RPS24: variants seen among roughly 807,000 people sequenced by gnomAD.
RPS24 encodes ribosomal protein S24.
For missense variants in RPS24, 100 were observed against 162.5 expected, an observed-to-expected ratio of 0.62 and a Z score of 2.09; for synonymous variants, 72 against 55.6, an observed-to-expected ratio of 1.30 and a Z score of -1.31.
chr10:78,049,620 G>T (rs1164823918), intron 4 of RPS24, among the ~76,000 whole-genome samples: 3 of 152,224 alleles, frequency 2.0e-5, no homozygotes, highest in Non-Finnish European at 4.4e-5. Flanking sequence ...GCCCATCACA[G>T]TGGGGCTGGG....
chr10:78,038,764 C>T (rs943328695), intron 4 of RPS24: 2 of 152,048 alleles, frequency 1.3e-5, no homozygotes, highest in African/African-American at 2.4e-5. Flanking sequence ...CTCAGCCTCC[C>T]TTGTAGCTGC....
At chr10:78,055,263 G>C (rs1204374145) in exon 5 of RPS24, 1 of 414,164 alleles carries the variant, frequency 2.4e-6, no homozygotes, top group Non-Finnish European at 4.1e-6. Flanking sequence ...CACATTTAAG[G>C]CTTTCCTTCC....
intron 4 of RPS24, chr10:78,049,364 C>T (rs1272935895): frequency 6.6e-6 from 1 of 152,374 alleles, no homozygotes; most frequent in Non-Finnish European, 1.5e-5. Context: ...CACTGGTGCT[C>T]CTGAGCTGGC....
In RPS24 at chr10:78,040,004, A is replaced by T. The variant is rs1029036141; in HGVS notation, c.391-200A>T. ...AAGAACTACAGTAATCAGGCAAGGC[A>T]TTGTCAGAATTGGGAGGAATAAAAT... is the stretch of plus-strand genomic sequence containing the variant. On this transcript the variant is annotated intron_variant, in intron 4 of 5. Coordinates refer to ENST00000372360, the MANE Select transcript of RPS24 (RefSeq NM_033022.4). 2.2e-5 allele frequency: 15 copies of T among 668,510 alleles called. No individual in the cohort carries two copies. The Admixed American group carries it at 3.2e-4, about 14-fold the overall frequency. 41.4% of individuals were successfully genotyped at this position (668,510 alleles called of 1,614,324 possible). A position where few individuals can be genotyped will look rare whatever the true frequency, so the allele number is the denominator to read the frequency against.
intron 4 of RPS24, among the ~76,000 whole-genome samples, chr10:78,049,628 G>C (rs1162315997): frequency 6.6e-6 from 1 of 152,202 alleles, no homozygotes; most frequent in Non-Finnish European, 1.5e-5. Flanking sequence ...CAGTGGGGCT[G>C]GGACTGGGTG....
At chr10:78,040,846 T>A, downstream of RPS24, 1 of 638,126 alleles carries the variant, frequency 1.6e-6, no homozygotes, top group Non-Finnish European at 2.7e-6. Context: ...TGCTGCTTGG[T>A]TTATAGCTTA....
At chr10:78,054,535 G>C (rs1292407878) in exon 5 of RPS24, 1 of 1,536,142 alleles carries the variant, frequency 6.5e-7, no homozygotes, top group East Asian at 2.5e-5. Flanking sequence ...TTGCAGATGA[G>C]GGAATTGGGG....
intron 4 of RPS24, among the ~76,000 whole-genome samples, chr10:78,051,600 G>C (rs527521957): frequency 1.3e-5 from 2 of 152,302 alleles, no homozygotes; most frequent in South Asian, 4.1e-4. Flanking sequence ...TATATACCTC[G>C]GGGTGGAATT....
At chr10:78,040,910 G>C (rs1277197174), downstream of RPS24, among the ~76,000 whole-genome samples, 3 of 152,138 alleles carry the variant, frequency 2.0e-5, no homozygotes, top group African/African-American at 7.2e-5. Context: ...AACCATGTCC[G>C]CGGTGGACGC....
chr10:78,054,380 C>G (rs1848130055), intron 4 of RPS24: 5 of 723,104 alleles, frequency 6.9e-6, no homozygotes, highest in Admixed American at 5.9e-5. Flanking sequence ...TCCCAAGTGC[C>G]CTTCCTTCAA....
chr10:78,054,079 G>T (rs1320076274), intron 4 of RPS24, among the ~76,000 whole-genome samples: 3 of 152,106 alleles, frequency 2.0e-5, no homozygotes, highest in Non-Finnish European at 4.4e-5. Flanking sequence ...GGGTATGGGG[G>T]TGCCTAGGGT....
exon 5 of RPS24, chr10:78,055,062 A>G: frequency 6.9e-7 from 1 of 1,453,970 alleles, no homozygotes. Context: ...TCATCTCTCC[A>G]CCTTCTTCTC....
chr10:78,044,816 TAAAG>T (rs1304884612), downstream of RPS24, among the ~76,000 whole-genome samples: 2 of 150,512 alleles, frequency 1.3e-5, no homozygotes, highest in Non-Finnish European at 3.0e-5. Flanking sequence ...GTGTTTTGGT[TAAAG>T]AAAATAAAAC....
intron 1 of RPS24, 24 bp downstream of exon 1, chr10:78,033,928 G>A: frequency 6.2e-7 from 1 of 1,614,004 alleles, no homozygotes; most frequent in Non-Finnish European, 8.5e-7. Flanking sequence ...GGCCCGTGCA[G>A]TCATCTGCCG....
At chr10:78,044,052 A>G (rs1848016434), downstream of RPS24, among the ~76,000 whole-genome samples, 1 of 152,206 alleles carries the variant, frequency 6.6e-6, no homozygotes, top group South Asian at 2.1e-4. Context: ...AGCCTACTAC[A>G]GTATAATTAT....
chr10:78,045,461 G>A (rs555886789), downstream of RPS24, among the ~76,000 whole-genome samples: 3 of 152,070 alleles, frequency 2.0e-5, no homozygotes, highest in African/African-American at 4.8e-5. Flanking sequence ...GAGTAATTCC[G>A]AAACCTGGCA....
At chr10:78,035,229 A>T in intron 1 of RPS24, 123 bp from the exon 2 acceptor site, 2 of 958,542 alleles carry the variant, frequency 2.1e-6, no homozygotes, top group Non-Finnish European at 1.7e-6. Context: ...GGTTTTATTT[A>T]CTTTAGTTCG....
chr10:78,041,547 T>A (rs1847986297), downstream of RPS24, among the ~76,000 whole-genome samples: 1 of 152,170 alleles, frequency 6.6e-6, no homozygotes, highest in Admixed American at 6.5e-5. Context: ...GTCTTTGATG[T>A]GATTTGACAT....
intron 4 of RPS24, 22 bp downstream of exon 4, chr10:78,037,326 A>G (rs1417424339): frequency 6.3e-7 from 1 of 1,575,250 alleles, no homozygotes; most frequent in East Asian, 2.3e-5. Flanking sequence ...TAAGGAAAAT[A>G]TAGAAACGTC....
Sources: allele counts gnomAD v4.1 joint callset (sites outside exome capture counted in the v4.1 genomes callset), GRCh38; gene constraint gnomAD v4.1.1; transcripts MANE v1.5; gene names NCBI Gene and HGNC (gene_info 2026-07-23, HGNC 2026-07-21).